Variants in PSME4 observed in about 807,000 individuals in gnomAD.
PSME4 encodes the protein proteasome activator subunit 4, also known as proteasome activator complex subunit 4.
Under a neutral mutation model 253.9 loss-of-function variants are expected in PSME4, and 89 were observed. The observed-to-expected ratio is 0.35, with a 90% confidence interval of 0.30 to 0.42. PSME4 has a LOEUF of 0.42. PSME4 is among the 10% of genes least tolerant of loss of function. The pLI, the probability that PSME4 is intolerant of heterozygous loss-of-function variation, is 1.00. For synonymous variants in PSME4, 851 were observed against 759.2 expected (o/e 1.12, Z -1.99); for missense variants, 2,014 against 2,195.2 (o/e 0.92, Z 1.65).
In PSME4 at chr2:53,934,819, A is replaced by C. The variant is rs1669028683; in HGVS notation, c.835-92T>G. 5.1e-5 allele frequency: 50 copies of C among 977,950 alleles called. 4 individuals carry two copies. The South Asian group carries it at 9.1e-4, about 18-fold the overall frequency. The allele number at this position is 977,950 out of a possible 1,614,324, so 60.6% of individuals were successfully genotyped here. On this transcript the variant is annotated intron_variant, in intron 7 of 46. Coordinates refer to ENST00000404125, the MANE Select transcript of PSME4 (RefSeq NM_014614.3). ...GCTGTATATTAGTGTTACTGAAGATATTTTCATTTTATCACAAGGGTTTTT... is the reference window on the plus strand; with the variant it reads ...GCTGTATATTAGTGTTACTGAAGATCTTTTCATTTTATCACAAGGGTTTTT...
At chr2:53,937,327 C>A (rs1669171095) in intron 5 of PSME4, 64 bp downstream of exon 5, 1 of 1,364,078 alleles carries the variant, frequency 7.3e-7, no homozygotes, top group Non-Finnish European at 1.0e-6. Context: ...TATTGTTTTA[C>A]TAGTTTCTTT....
At chr2:53,944,876 TA>T (rs1161774038) in intron 3 of PSME4, among the ~76,000 whole-genome samples, 2 of 151,574 alleles carry the variant, frequency 1.3e-5, no homozygotes, top group Non-Finnish European at 2.9e-5. Flanking sequence ...ACCAGAAAAA[TA>T]AAATATCAAA....
intron 1 of PSME4, among the ~76,000 whole-genome samples, chr2:53,968,888 G>A (rs539122744): frequency 6.6e-6 from 1 of 152,240 alleles, no homozygotes; most frequent in South Asian, 2.1e-4. Context: ...AGAAAACAAT[G>A]CTTAACTATG....
intron 27 of PSME4, among the ~76,000 whole-genome samples, chr2:53,903,289 T>G (rs564062583): frequency 6.6e-6 from 1 of 152,238 alleles, no homozygotes; most frequent in Admixed American, 6.5e-5. Flanking sequence ...AACTACTCTC[T>G]CTCTCTCTCT....
chr2:53,937,992 C>CA lies in PSME4; in HGVS notation c.546-453dup, dbSNP rs761577710. Reference sequence around the variant, plus strand: ...TGGGCAACAGAGTGAGACTCCATCTCAAAAAAAAAAAAAAATTCCCCATCA... The same window carrying CA: ...TGGGCAACAGAGTGAGACTCCATCTCAAAAAAAAAAAAAAAATTCCCCATCA... On this transcript the variant is annotated intron_variant, in intron 4 of 46. Coordinates refer to ENST00000404125, the MANE Select transcript of PSME4 (RefSeq NM_014614.3). Among the ~76,000 whole-genome samples the CA allele has an allele frequency of 1.5e-3, 168 of 113,216 alleles. 1 individual carries two copies. Among genetic ancestry groups the CA allele is most frequent in the African/African-American group, 2.1e-3 (65 of 30,504 alleles). The allele number at this position is 113,216 out of a possible 152,430, so 74.3% of individuals were successfully genotyped here. A position where few individuals can be genotyped will look rare whatever the true frequency, so the allele number is the denominator to read the frequency against.
At chr2:53,932,508 T>C (rs1558696922) in intron 9 of PSME4, among the ~76,000 whole-genome samples, 160 bp downstream of exon 9, 2 of 152,220 alleles carry the variant, frequency 1.3e-5, no homozygotes. Context: ...TTAATTTATA[T>C]GCTCTCCCAC....
intron 21 of PSME4, among the ~76,000 whole-genome samples, chr2:53,909,138 G>A (rs557205977): frequency 2.6e-5 from 4 of 152,150 alleles, no homozygotes; most frequent in South Asian, 2.1e-4. Context: ...TTGGAGAGGC[G>A]AGGGAAAGAA....
Position 53,970,686 on chromosome 2 carries a change from G to C in PSME4, c.99C>G (p.Val33=). ...CCGCGTAGGGCAGCAGCTTGTTGTA[G>C]ACGATCTCCTTCTGCGGGACGAAGC... ...PRGFVPQKEI[V]YNKLLPYAER... is the part of the protein sequence containing the mutation. The change falls in exon 1 of 47, where the codon GTC becomes GTG. Residue 33 remains valine (V), a synonymous_variant. Transcript: ENST00000404125. The C allele has an allele frequency of 1.3e-6, 2 of 1,550,010 alleles. No individual in the cohort carries two copies. Among genetic ancestry groups the C allele is most frequent in the Middle Eastern group, 1.7e-4 (1 of 5,780 alleles).
chr2:53,936,289 G>C, intron 6 of PSME4, 128 bp from the exon 7 acceptor site: 1 of 1,309,016 alleles, frequency 7.6e-7, no homozygotes, highest in Non-Finnish European at 9.8e-7. Context: ...GATAGTTTAT[G>C]ACTTTGTTTT....
chr2:53,923,302 T>C lies in PSME4; in HGVS notation c.1908+19A>G. The C allele has an allele frequency of 6.3e-7, 1 of 1,587,016 alleles. No individual in the cohort carries two copies. The highest frequency in any genetic ancestry group is 8.5e-7 in the Non-Finnish European group (1 of 1,171,446). On this transcript the variant is annotated intron_variant, in intron 15 of 46. Coordinates refer to ENST00000404125, the MANE Select transcript of PSME4 (RefSeq NM_014614.3). Reference sequence around the variant, plus strand: ...GATTGTTGAGTCATTAATACATCAGTTCAAAAAAATAAACTCACCTTTACA... The same window carrying C: ...GATTGTTGAGTCATTAATACATCAGCTCAAAAAAATAAACTCACCTTTACA...
At chr2:53,941,032 C>T (rs1669432148) in intron 3 of PSME4, among the ~76,000 whole-genome samples, 1 of 119,270 alleles carries the variant, frequency 8.4e-6, no homozygotes, top group South Asian at 2.7e-4. Context: ...ATGTCTCCAC[C>T]TGACACTTTC....
intron 43 of PSME4, among the ~76,000 whole-genome samples, chr2:53,871,314 G>A (rs138010068): frequency 0.032 from 4,918 of 151,868 alleles, 123 homozygotes; most frequent in Admixed American, 0.057. Flanking sequence ...GCAGTGGCAC[G>A]ATCTTGGCTC....
chr2:53,874,229 A>C (rs1009090039), intron 43 of PSME4, 110 bp downstream of exon 43: 25 of 1,096,438 alleles, frequency 2.3e-5, no homozygotes, highest in Non-Finnish European at 3.3e-5. Context: ...CAAAGAGTTG[A>C]GGTTATAAAT....
intron 32 of PSME4, 82 bp downstream of exon 32, chr2:53,896,722 C>CT: frequency 9.6e-7 from 1 of 1,038,494 alleles, no homozygotes; most frequent in Non-Finnish European, 1.5e-6. Context: ...TATTTGAGGT[C>CT]AAGAACTAGA....
chr2:53,937,434 G>T lies in PSME4; in HGVS notation c.652C>A (p.Leu218Ile). ...QKAITYFEIF[L>I]PTSLPPELHH... Reference sequence around the variant, plus strand: ...AGTTCTGGAGGAAGGGAGGTAGGAAGAAATATTTCAAAATAAGTGATGGCC... The same window carrying T: ...AGTTCTGGAGGAAGGGAGGTAGGAATAAATATTTCAAAATAAGTGATGGCC... The change falls in exon 5 of 47, where the codon CTT becomes ATT. Residue 218 changes from leucine (L) to isoleucine (I), a missense_variant. Physicochemically the swap from Leu to Ile is conservative, Grantham distance 5 (BLOSUM62 2). Around this residue, in one of 4 missense-constraint regions of PSME4, gnomAD observed 615 missense variants for 594.4 expected, o/e 1.03. Coordinates refer to ENST00000404125, the MANE Select transcript of PSME4 (RefSeq NM_014614.3). The T allele has an allele frequency of 6.2e-7, 1 of 1,609,660 alleles. No homozygotes were observed. The highest frequency in any genetic ancestry group is 1.3e-5 in the African/African-American group (1 of 74,842).
intron 44 of PSME4, 55 bp downstream of exon 44, chr2:53,869,321 G>A: frequency 6.8e-7 from 1 of 1,461,018 alleles, no homozygotes; most frequent in Non-Finnish European, 9.3e-7. Context: ...AGTAAGCCTG[G>A]TTAACCCTCA....
chr2:53,900,108 G>T lies in PSME4; in HGVS notation c.3286-91C>A, dbSNP rs2104434208. Reference sequence around the variant, plus strand: ...GAAAATGTCATGCTAAGTGAAAGAGGCCAGACACAAAAGTCCACATATTTT... The same window carrying T: ...GAAAATGTCATGCTAAGTGAAAGAGTCCAGACACAAAAGTCCACATATTTT... On this transcript the variant is annotated intron_variant, in intron 28 of 46. Coordinates refer to ENST00000404125, the MANE Select transcript of PSME4 (RefSeq NM_014614.3). 3 of 1,183,586 alleles carry T rather than the reference G, an allele frequency of 2.5e-6. No individual in the cohort carries two copies. In the South Asian group the frequency reaches 4.4e-5, roughly 17 times the overall value. 73.3% of individuals were successfully genotyped at this position (1,183,586 alleles called of 1,614,324 possible).
At chr2:53,963,602 T>C (rs1670590462) in intron 1 of PSME4, among the ~76,000 whole-genome samples, 1 of 152,236 alleles carries the variant, frequency 6.6e-6, no homozygotes. Context: ...TCTTCAAAGG[T>C]AAAAGGCAGA....
At chr2:53,955,988 G>A (rs1004767108) in intron 1 of PSME4, among the ~76,000 whole-genome samples, 1 of 151,996 alleles carries the variant, frequency 6.6e-6, no homozygotes, top group Non-Finnish European at 1.5e-5. Flanking sequence ...CTGGGAGCCA[G>A]GTACAGTGGC....
Sources: allele counts gnomAD v4.1 joint callset (sites outside exome capture counted in the v4.1 genomes callset), GRCh38; gene constraint gnomAD v4.1.1; regional missense constraint gnomAD v4.1.1; transcripts MANE v1.5; gene names NCBI Gene and HGNC (gene_info 2026-07-23, HGNC 2026-07-21).